The following HDAC9 variants were observed in gnomAD, a reference collection of about 807,000 sequenced individuals.
HDAC9 encodes the protein MEF-2 interacting transcription repressor (MITR) protein.
HDAC9 carries 41 observed loss-of-function variants against 139.4 expected under a neutral mutation model. The ratio of observed to expected loss-of-function variants is 0.29; its 90% confidence interval spans 0.23 to 0.38. The LOEUF (loss-of-function observed/expected upper bound fraction) is 0.38, where lower values mean the gene tolerates loss of function less well. Among genes scored for constraint, HDAC9 ranks in the 10% least tolerant of loss-of-function variants. The probability of loss-of-function intolerance (pLI) is 1.00; values close to 1 mark genes in which losing one functional copy is unlikely to be tolerated. For synonymous variants in HDAC9, 517 were observed against 476.2 expected (o/e 1.09, Z -1.12); for missense variants, 1,147 against 1,297.0 (o/e 0.88, Z 1.78).
chr7:18,808,952 A>G (rs1369085439), intron 17 of HDAC9, among the ~76,000 whole-genome samples: 1 of 152,130 alleles, frequency 6.6e-6, no homozygotes, highest in Non-Finnish European at 1.5e-5. Flanking sequence ...TGGCAGAGCT[A>G]TAATAATCAG....
intron 1 of HDAC9, among the ~76,000 whole-genome samples, chr7:18,476,634 AAGAAAAAAG>A (rs1245863013): frequency 9.2e-5 from 14 of 152,160 alleles, no homozygotes; most frequent in African/African-American, 3.1e-4. Context: ...CATAATGTAT[AAGAAAAAAG>A]CCAAATGATT....
At chr7:18,622,014 A>G (rs1253636829) in intron 6 of HDAC9, among the ~76,000 whole-genome samples, 3 of 152,212 alleles carry the variant, frequency 2.0e-5, no homozygotes, top group Non-Finnish European at 4.4e-5. Flanking sequence ...ACCTTCAGAA[A>G]GAACAGAGAG....
chr7:18,361,070 T>G (rs560753449), intron 1 of HDAC9, among the ~76,000 whole-genome samples: 334 of 152,288 alleles, frequency 2.2e-3, no homozygotes, highest in South Asian at 4.6e-3. Context: ...TTCTGAGAAT[T>G]ATAAGAAAGT....
intron 12 of HDAC9, among the ~76,000 whole-genome samples, chr7:18,715,166 A>AT (rs1784609686): frequency 6.6e-6 from 1 of 151,974 alleles, no homozygotes; most frequent in Admixed American, 6.6e-5. Flanking sequence ...TTTTCATTCT[A>AT]TTTAAGACAT....
chr7:18,334,030 T>A (rs960375205), intron 1 of HDAC9, among the ~76,000 whole-genome samples: 2 of 151,392 alleles, frequency 1.3e-5, no homozygotes, highest in Admixed American at 1.3e-4. Context: ...AAAATACAGA[T>A]TTTGAAAAGG....
intron 2 of HDAC9, among the ~76,000 whole-genome samples, chr7:18,565,312 T>A (rs888319237): frequency 3.3e-5 from 5 of 152,330 alleles, no homozygotes; most frequent in East Asian, 1.9e-4. Flanking sequence ...ATGTATTTTT[T>A]AAAAAATATC....
intron 15 of HDAC9, among the ~76,000 whole-genome samples, chr7:18,763,876 G>A (rs1789601275): frequency 6.6e-6 from 1 of 152,024 alleles, no homozygotes; most frequent in Non-Finnish European, 1.5e-5. Context: ...AACTTTATTG[G>A]AACAGGCTGG....
At chr7:18,823,899 AG>A (rs1795177516) in intron 17 of HDAC9, among the ~76,000 whole-genome samples, 1 of 151,896 alleles carries the variant, frequency 6.6e-6, no homozygotes, top group Admixed American at 6.6e-5. Context: ...GGATGACTTT[AG>A]CCCACGGGTT....
At chr7:18,398,938 G>A (rs746253839) in intron 1 of HDAC9, among the ~76,000 whole-genome samples, 3 of 151,980 alleles carry the variant, frequency 2.0e-5, no homozygotes, top group African/African-American at 7.2e-5. Flanking sequence ...ACAGGAGAAA[G>A]GTGTATAATA....
At chr7:18,725,874 A>G (rs745813475) in intron 12 of HDAC9, among the ~76,000 whole-genome samples, 1 of 152,208 alleles carries the variant, frequency 6.6e-6, no homozygotes, top group Admixed American at 6.5e-5. Flanking sequence ...GTAAAAGTGT[A>G]TAAACCATTG....
chr7:18,956,552 A>T (rs538516136), intron 24 of HDAC9, among the ~76,000 whole-genome samples: 75 of 152,244 alleles, frequency 4.9e-4, no homozygotes, highest in African/African-American at 1.7e-3. Context: ...ATAAACAACA[A>T]AGGCCATAAG....
chr7:18,444,364 AAAAG>A (rs1291553415), intron 1 of HDAC9, among the ~76,000 whole-genome samples: 3 of 150,560 alleles, frequency 2.0e-5, no homozygotes, highest in African/African-American at 7.4e-5. Context: ...AAAAAAAAAA[AAAAG>A]AGTGATGTGC....
intron 22 of HDAC9, among the ~76,000 whole-genome samples, chr7:18,911,281 T>G (rs1043990591): frequency 1.3e-5 from 2 of 151,802 alleles, no homozygotes; most frequent in African/African-American, 4.8e-5. Flanking sequence ...GTACAGTTGG[T>G]GTCAGTTGTA....
chr7:18,762,338 C>A (rs553562933), intron 15 of HDAC9, 61 bp downstream of exon 15: 33 of 1,580,092 alleles, frequency 2.1e-5, no homozygotes, highest in Non-Finnish European at 2.7e-5. Flanking sequence ...TTAGTCAACG[C>A]TGGTGTCAGT....
Position 18,185,695 on chromosome 7 carries a change from C to T in HDAC9, c.25+23346C>T, listed in dbSNP as rs144990831. 1.1e-4 allele frequency among the ~76,000 whole-genome samples: 16 copies of T among 152,250 alleles called. No homozygotes were observed. The East Asian group carries it at 2.9e-3, about 28-fold the overall frequency. On this transcript the variant is annotated intron_variant, in intron 2 of 12. Coordinates refer to the HDAC9 transcript ENST00000417496. Reference sequence around the variant, plus strand: ...ATTATTAAATCTCAGCTATGGGCCTCGTTTTCCCCTACCTTCATATTGTTC... The same window carrying T: ...ATTATTAAATCTCAGCTATGGGCCTTGTTTTCCCCTACCTTCATATTGTTC...
At chr7:18,474,122 G>T (rs1794931826) in intron 1 of HDAC9, among the ~76,000 whole-genome samples, 2 of 152,140 alleles carry the variant, frequency 1.3e-5, no homozygotes, top group South Asian at 4.1e-4. Flanking sequence ...GTGAGCCTTG[G>T]TAATCTCTCT....
At chr7:18,238,595 C>T (rs967668605) in intron 2 of HDAC9, among the ~76,000 whole-genome samples, 1 of 152,012 alleles carries the variant, frequency 6.6e-6, no homozygotes, top group Non-Finnish European at 1.5e-5. Flanking sequence ...TGCTATAAGG[C>T]GTTAGTACCA....
chr7:18,545,520 G>C (rs1336481242), intron 2 of HDAC9, among the ~76,000 whole-genome samples: 1 of 152,114 alleles, frequency 6.6e-6, no homozygotes, highest in African/African-American at 2.4e-5. Context: ...TTTGGCCTAG[G>C]GGGTGTAGTA....
chr7:18,380,802 A>T (rs1785365045), intron 1 of HDAC9, among the ~76,000 whole-genome samples: 1 of 152,190 alleles, frequency 6.6e-6, no homozygotes. Context: ...AGGAAAGAGA[A>T]GTTCTGGGGC....
Sources: gnomAD v4.1 joint callset for allele counts (sites outside exome capture counted in the v4.1 genomes callset) on GRCh38, gnomAD v4.1.1 for gene constraint, MANE v1.5 for transcripts, NCBI Gene and HGNC (gene_info 2026-07-23, HGNC 2026-07-21) for gene names.